The following PHLDB2 variants were observed in gnomAD, a reference collection of about 807,000 sequenced individuals.
PHLDB2 encodes the protein pleckstrin homology like domain family B member 2.
A neutral mutation model predicts 123.6 loss-of-function variants in PHLDB2; 71 were observed. The observed-to-expected ratio is 0.57, with a 90% CI of 0.47 to 0.70. The LOEUF is 0.70. Among genes scored for constraint, PHLDB2 ranks in the 30% least tolerant of loss-of-function variants. The probability of loss-of-function intolerance (pLI) is 0.00; values close to 1 mark genes in which losing one functional copy is unlikely to be tolerated. For missense variants in PHLDB2, 1,446 were observed against 1,519.5 expected (o/e 0.95, Z 0.80); for synonymous variants, 547 against 541.6 (o/e 1.01, Z -0.14).
intron 1 of PHLDB2, among the ~76,000 whole-genome samples, chr3:111,841,396 C>A: frequency 6.6e-6 from 1 of 152,112 alleles, no homozygotes; most frequent in Non-Finnish European, 1.5e-5. Context: ...TTCTTGAACC[C>A]CTCCTACATA....
exon 1 of PHLDB2, chr3:111,732,628 G>T: frequency 6.5e-7 from 1 of 1,535,452 alleles, no homozygotes; most frequent in Non-Finnish European, 8.7e-7. Flanking sequence ...GCAATCGCTG[G>T]AACAGCCATG....
rs1381720620 is a variant in PHLDB2, at chr3:111,967,672, G to A, written c.3169-6G>A. On this transcript the variant is annotated splice_region_variant and splice_polypyrimidine_tract_variant and intron_variant, in intron 14 of 17. Transcript: ENST00000431670. ...TAAAATAATCATTGTTATGCATAAT[G>A]TTTAGGAACGGGAAATGGAAGCCAA... 1 of 1,534,226 alleles carries A rather than the reference G, an allele frequency of 6.5e-7. No homozygotes were observed. Among genetic ancestry groups the A allele is most frequent in the East Asian group, 2.5e-5 (1 of 39,658 alleles).
chr3:111,873,710 T>G (rs1357864336), intron 1 of PHLDB2, among the ~76,000 whole-genome samples: 1 of 152,206 alleles, frequency 6.6e-6, no homozygotes, highest in Non-Finnish European at 1.5e-5. Flanking sequence ...CTGTTTCCCA[T>G]TTTGTATATA....
chr3:111,855,258 C>G (rs1486625192), upstream of PHLDB2, among the ~76,000 whole-genome samples: 1 of 152,090 alleles, frequency 6.6e-6, no homozygotes, highest in Non-Finnish European at 1.5e-5. Flanking sequence ...GAGAGGCAAA[C>G]AAGAAAGGTC....
chr3:111,861,832 T>TAACCA (rs1164749785), intron 1 of PHLDB2, among the ~76,000 whole-genome samples: 6 of 152,178 alleles, frequency 3.9e-5, no homozygotes, highest in Admixed American at 2.0e-4. Context: ...AATCTCTGGT[T>TAACCA]TTCCCTATTT....
At position 111,859,362 on chromosome 3, in the gene PHLDB2, T is replaced by C. The variant is rs555819243; in HGVS notation, c.-229T>C. 2 of 985,652 alleles carry C rather than the reference T, an allele frequency of 2.0e-6. No homozygotes were observed. Among genetic ancestry groups the C allele is most frequent in the South Asian group, 9.4e-5 (2 of 21,296 alleles). The allele number at this position is 985,652 out of a possible 1,614,324, so 61.1% of individuals were successfully genotyped here. On this transcript the variant is annotated 5_prime_UTR_variant, in exon 1 of 18. Coordinates refer to ENST00000431670, the MANE Select transcript of PHLDB2 (RefSeq NM_001134438.2). Reference sequence around the variant, plus strand: ...AGCCGTGAAAGCCCCAACAGCAAACTGCCTGGGAGCGGGGCAGGTCACCAA... The same window carrying C: ...AGCCGTGAAAGCCCCAACAGCAAACCGCCTGGGAGCGGGGCAGGTCACCAA...
intron 1 of PHLDB2, among the ~76,000 whole-genome samples, chr3:111,797,522 A>C (rs1235820106): frequency 1.3e-5 from 2 of 152,226 alleles, no homozygotes; most frequent in Non-Finnish European, 2.9e-5. Flanking sequence ...TCCATGTGTA[A>C]GGATTCCGTA....
intron 13 of PHLDB2, among the ~76,000 whole-genome samples, 172 bp from the exon 14 acceptor site, chr3:111,966,441 G>A (rs920641334): frequency 2.6e-5 from 4 of 151,876 alleles, no homozygotes; most frequent in African/African-American, 4.8e-5. Context: ...CCAATGACTC[G>A]TAAGTAACAT....
intron 2 of PHLDB2, among the ~76,000 whole-genome samples, chr3:111,909,245 A>T (rs990501210): frequency 2.6e-5 from 4 of 152,172 alleles, no homozygotes; most frequent in African/African-American, 9.7e-5. Context: ...TAGGTGGTCT[A>T]TAAACTTCTG....
chr3:111,742,849 T>C (rs538718503), intron 1 of PHLDB2, among the ~76,000 whole-genome samples: 1 of 152,260 alleles, frequency 6.6e-6, no homozygotes, highest in South Asian at 2.1e-4. Flanking sequence ...TAAGAAGACA[T>C]TTATAGAGTG....
intron 5 of PHLDB2, among the ~76,000 whole-genome samples, chr3:111,922,789 G>A (rs1320612863): frequency 6.6e-6 from 1 of 152,064 alleles, no homozygotes; most frequent in African/African-American, 2.4e-5. Flanking sequence ...TCATACTCCT[G>A]GCCAACTTTC....
In PHLDB2 at chr3:111,859,443, A is replaced by G; in HGVS notation, c.-148A>G. On this transcript the variant is annotated 5_prime_UTR_variant, in exon 1 of 18. Coordinates refer to ENST00000431670, the MANE Select transcript of PHLDB2 (RefSeq NM_001134438.2). ...CGCGGTGGTTACAAAGGGGGTCAAG[A>G]GTGCCGGACCCAGCCGCGCGGAGCC... 6 of 985,542 alleles carry G rather than the reference A, an allele frequency of 6.1e-6. No homozygotes were observed. The highest frequency in any genetic ancestry group is 7.2e-6 in the Non-Finnish European group (6 of 830,004). The allele number at this position is 985,542 out of a possible 1,614,324, so 61.0% of individuals were successfully genotyped here.
At chr3:111,791,492 A>G (rs1290123868) in intron 1 of PHLDB2, among the ~76,000 whole-genome samples, 1 of 152,228 alleles carries the variant, frequency 6.6e-6, no homozygotes. Context: ...CACGGGGTAG[A>G]TAAATGCTTA....
At chr3:111,926,813 T>C (rs1456663749) in intron 5 of PHLDB2, among the ~76,000 whole-genome samples, 1 of 152,244 alleles carries the variant, frequency 6.6e-6, no homozygotes, top group Non-Finnish European at 1.5e-5. Flanking sequence ...TTTTGTAAGG[T>C]TGAATATTCA....
chr3:111,832,044 G>T (rs2063062080), intron 1 of PHLDB2, among the ~76,000 whole-genome samples: 1 of 151,974 alleles, frequency 6.6e-6, no homozygotes. Flanking sequence ...TTTTGCCTTT[G>T]ACCCTCCAGT....
At chr3:111,781,529 A>G (rs1024545485) in intron 1 of PHLDB2, among the ~76,000 whole-genome samples, 2 of 152,072 alleles carry the variant, frequency 1.3e-5, no homozygotes, top group African/African-American at 2.4e-5. Context: ...CCCAATAACA[A>G]TGACTTCATC....
chr3:111,752,679 G>A (rs1041044860), intron 1 of PHLDB2, among the ~76,000 whole-genome samples: 2 of 151,128 alleles, frequency 1.3e-5, no homozygotes, highest in Non-Finnish European at 2.9e-5. Context: ...ATAAGTTTTA[G>A]GGTACATGTG....
intron 8 of PHLDB2, among the ~76,000 whole-genome samples, chr3:111,941,836 A>AAACAAAACAC (rs1283837282): frequency 6.6e-6 from 1 of 151,930 alleles, no homozygotes; most frequent in Non-Finnish European, 1.5e-5. Context: ...AAACAAAACA[A>AAACAAAACAC]AAGGAGAAGA....
chr3:111,907,950 C>T (rs2067652471), intron 2 of PHLDB2, among the ~76,000 whole-genome samples: 1 of 152,156 alleles, frequency 6.6e-6, no homozygotes, highest in African/African-American at 2.4e-5. Context: ...GCATGAGCCA[C>T]CACGCCCAGG....
Sources: gnomAD v4.1 joint callset for allele counts (sites outside exome capture counted in the v4.1 genomes callset) on GRCh38, gnomAD v4.1.1 for gene constraint, MANE v1.5 for transcripts, NCBI Gene and HGNC (gene_info 2026-07-23, HGNC 2026-07-21) for gene names.